Variants in ST8SIA1 observed in about 807,000 individuals in gnomAD.
ST8SIA1 encodes the protein alpha-N-acetylneuraminide alpha-2,8-sialyltransferase.
ST8SIA1 carries 16 observed loss-of-function variants against 35.9 expected under a neutral mutation model. That is an observed-to-expected ratio of 0.45 (90% CI 0.30 to 0.68). ST8SIA1 has a LOEUF of 0.68. Ranked by LOEUF, ST8SIA1 falls within the 30% of genes least tolerant of loss-of-function variation. ST8SIA1 has a pLI of 0.09. For synonymous variants in ST8SIA1, 170 were observed against 169.6 expected (o/e 1.00, Z -0.02); for missense variants, 383 against 453.6 (o/e 0.84, Z 1.41).
intron 2 of ST8SIA1, among the ~76,000 whole-genome samples, chr12:22,281,036 T>G (rs1004454658): frequency 1.3e-5 from 2 of 152,228 alleles, no homozygotes; most frequent in Non-Finnish European, 2.9e-5. Flanking sequence ...TTCACTGTCC[T>G]GTAAAATTGA....
At chr12:22,211,917 G>T (rs1353101085) in intron 4 of ST8SIA1, among the ~76,000 whole-genome samples, 3 of 152,024 alleles carry the variant, frequency 2.0e-5, no homozygotes, top group East Asian at 3.9e-4. Context: ...CGCCAAGTTG[G>T]CCAGGCTGAT....
At chr12:22,306,062 C>T (rs1331548451) in intron 1 of ST8SIA1, among the ~76,000 whole-genome samples, 1 of 152,140 alleles carries the variant, frequency 6.6e-6, no homozygotes, top group Non-Finnish European at 1.5e-5. Flanking sequence ...AAGATGGAAT[C>T]AGTTAGGTCA....
chr12:22,278,165 A>G (rs981995070), intron 2 of ST8SIA1, among the ~76,000 whole-genome samples: 1 of 152,244 alleles, frequency 6.6e-6, no homozygotes, highest in Non-Finnish European at 1.5e-5. Context: ...GACAAGTCCA[A>G]TCAATGTGTA....
At chr12:22,329,640 C>G (rs1292791658) in intron 1 of ST8SIA1, among the ~76,000 whole-genome samples, 1 of 152,174 alleles carries the variant, frequency 6.6e-6, no homozygotes, top group Admixed American at 6.5e-5. Flanking sequence ...CCCTCCACTC[C>G]CAATGCCCTT....
chr12:22,288,892 G>A (rs1866139758), intron 1 of ST8SIA1, among the ~76,000 whole-genome samples: 1 of 152,040 alleles, frequency 6.6e-6, no homozygotes, highest in Non-Finnish European at 1.5e-5. Context: ...TTTGTTGTTT[G>A]TTGTTGTTGT....
chr12:22,265,587 C>T (rs1246889025), intron 2 of ST8SIA1, among the ~76,000 whole-genome samples: 15 of 152,136 alleles, frequency 9.9e-5, no homozygotes, highest in Non-Finnish European at 7.3e-5. Context: ...AATTAAATGA[C>T]TTATGTCTGG....
At chr12:22,262,156 T>C (rs3825254) in intron 2 of ST8SIA1, among the ~76,000 whole-genome samples, 8,417 of 152,240 alleles carry the variant, frequency 0.055, 331 homozygotes, top group East Asian at 0.16. Context: ...TGGTGTTTTA[T>C]AGCATGCATG....
chr12:22,333,815 G>C (rs1866800867), intron 1 of ST8SIA1, 182 bp downstream of exon 1: 1 of 772,408 alleles, frequency 1.3e-6, no homozygotes, highest in Non-Finnish European at 2.3e-6. Context: ...CAGGGGTGGG[G>C]AAGGAACCCT....
At chr12:22,311,161 A>G (rs1866445169) in intron 1 of ST8SIA1, among the ~76,000 whole-genome samples, 1 of 152,184 alleles carries the variant, frequency 6.6e-6, no homozygotes, top group African/African-American at 2.4e-5. Flanking sequence ...AGTGTGTGTC[A>G]AAGACTACGT....
chr12:22,333,072 TCTAA>T (rs2135851118), intron 1 of ST8SIA1, among the ~76,000 whole-genome samples: 1 of 152,340 alleles, frequency 6.6e-6, no homozygotes, highest in East Asian at 1.9e-4. Context: ...TTCCCTCCAA[TCTAA>T]CTACACAACC....
At chr12:22,280,341 G>T (rs185733827) in intron 2 of ST8SIA1, among the ~76,000 whole-genome samples, 1 of 152,086 alleles carries the variant, frequency 6.6e-6, no homozygotes, top group Non-Finnish European at 1.5e-5. Context: ...TCTCCTGCAG[G>T]GAAACACCCT....
intron 2 of ST8SIA1, chr12:22,268,376 G>A (rs1191052710): frequency 3.9e-5 from 6 of 152,256 alleles, no homozygotes; most frequent in Admixed American, 3.3e-4. Flanking sequence ...ACGAGTGGAA[G>A]GAAGGCAATA....
chr12:22,267,529 A>T (rs1043903215), intron 2 of ST8SIA1, among the ~76,000 whole-genome samples: 22 of 152,214 alleles, frequency 1.4e-4, no homozygotes, highest in East Asian at 5.8e-4. Context: ...TTTCCAGAGC[A>T]TCCTTCTCTT....
At chr12:22,301,001 C>CT (rs1344206721) in intron 1 of ST8SIA1, among the ~76,000 whole-genome samples, 2 of 151,978 alleles carry the variant, frequency 1.3e-5, no homozygotes, top group African/African-American at 4.8e-5. Context: ...ATGAGACACT[C>CT]CTATCATTCT....
intron 1 of ST8SIA1, among the ~76,000 whole-genome samples, chr12:22,288,394 TC>T (rs141153264): frequency 1.3e-3 from 198 of 152,294 alleles, no homozygotes; most frequent in African/African-American, 4.2e-3. Context: ...TATGAGACTT[TC>T]GTTGAGAGTT....
intron 2 of ST8SIA1, among the ~76,000 whole-genome samples, chr12:22,275,471 T>C (rs1470707391): frequency 1.3e-5 from 2 of 152,090 alleles, no homozygotes; most frequent in African/African-American, 2.4e-5. Flanking sequence ...GGAGAATCAC[T>C]TGAGCCCCGG....
At chr12:22,266,449 C>A (rs192700014) in intron 2 of ST8SIA1, among the ~76,000 whole-genome samples, 14 of 151,358 alleles carry the variant, frequency 9.2e-5, no homozygotes, top group African/African-American at 3.4e-4. Context: ...AAAATCGAAG[C>A]CTTTATTGTT....
chr12:22,236,630 C>G (rs796388044), intron 4 of ST8SIA1, among the ~76,000 whole-genome samples: 7 of 152,298 alleles, frequency 4.6e-5, no homozygotes, highest in African/African-American at 1.7e-4. Context: ...GCTGGGTCCT[C>G]CCCTAATGTT....
At chr12:22,212,166 C>T (rs1249456240) in intron 4 of ST8SIA1, among the ~76,000 whole-genome samples, 39 of 152,034 alleles carry the variant, frequency 2.6e-4, no homozygotes, top group Admixed American at 2.6e-3. Context: ...ATCTCCTGAC[C>T]ATATTGCGTT....
Sources: gnomAD v4.1 joint callset for allele counts (sites outside exome capture counted in the v4.1 genomes callset) on GRCh38, gnomAD v4.1.1 for gene constraint, MANE v1.5 for transcripts, NCBI Gene and HGNC (gene_info 2026-07-23, HGNC 2026-07-21) for gene names.